Variants in MCMDC2 observed in about 807,000 individuals in gnomAD.
MCMDC2 encodes the protein minichromosome maintenance domain containing 2.
A neutral mutation model predicts 75.8 loss-of-function variants in MCMDC2; 54 were observed. The ratio of observed to expected loss-of-function variants is 0.71; its 90% CI spans 0.57 to 0.89. The LOEUF (loss-of-function observed/expected upper bound fraction) is 0.89. Ranked by LOEUF, MCMDC2 falls within the 40% of genes least tolerant of loss-of-function variation. The probability of loss-of-function intolerance (pLI) is 0.00; values close to 1 mark genes in which losing one functional copy is unlikely to be tolerated. For synonymous variants in MCMDC2, 249 were observed against 274.6 expected (o/e 0.91, Z 0.92); for missense variants, 656 against 780.4 (o/e 0.84, Z 1.90).
Position 66,914,954 on chromosome 8 carries a change from G to A in MCMDC2, c.1880-4049G>A, listed in dbSNP as rs146269253. On this transcript the variant is annotated intron_variant, in intron 14 of 14. Coordinates refer to ENST00000422365, the MANE Select transcript of MCMDC2 (RefSeq NM_173518.5). ...ATGTTTCTGCCTTGAGTAGCTGGGT[G>A]GATAATCATGCCATTTATCAAGATT... is the stretch of plus-strand genomic sequence containing the variant. Among the ~76,000 whole-genome samples, 224 of 152,228 alleles carry A rather than the reference G, an allele frequency of 1.5e-3. 1 individual carries two copies. Among genetic ancestry groups the A allele is most frequent in the African/African-American group, 5.2e-3 (218 of 41,528 alleles).
chr8:66,892,419 G>A (rs796992931), intron 10 of MCMDC2, among the ~76,000 whole-genome samples: 7 of 152,152 alleles, frequency 4.6e-5, no homozygotes, highest in African/African-American at 7.2e-5. Context: ...CTTGTTCCAC[G>A]TCCAGGAAGA....
intron 13 of MCMDC2, 146 bp downstream of exon 13, chr8:66,901,494 A>G: frequency 1.4e-6 from 2 of 1,381,660 alleles, no homozygotes; most frequent in Non-Finnish European, 1.9e-6. Context: ...AAAGGACTAA[A>G]GGCTTCACAA....
rs754666318 is a variant in MCMDC2 at position 66,901,344 on chromosome 8, T to C, written c.1765T>C (p.Tyr589His). 9 of 1,602,578 alleles carry C rather than the reference T, an allele frequency of 5.6e-6. No individual in the cohort carries two copies. The highest frequency in any genetic ancestry group is 7.6e-6 in the Non-Finnish European group (9 of 1,176,524). Reference protein sequence around the residue: ...GSKLSASALKYLVFLSEAHAR... With the variant: ...GSKLSASALKHLVFLSEAHAR... ...AAAGCTGTCAGCATCTGCATTAAAA[T>C]ATCTGTAGGTATTCAATTCAAGATT... The change falls in exon 13 of 15, where the codon TAT becomes CAT. Residue 589 changes from tyrosine (Y) to histidine (H), a missense_variant. Coordinates refer to ENST00000422365, the MANE Select transcript of MCMDC2 (RefSeq NM_173518.5).
At chr8:66,872,679 C>T (rs781281476) in intron 1 of MCMDC2, among the ~76,000 whole-genome samples, 15 of 152,042 alleles carry the variant, frequency 9.9e-5, no homozygotes, top group East Asian at 5.8e-4. Context: ...GTAATGAGGC[C>T]GGGTGCGGTG....
chr8:66,904,700 C>T (rs897748868), intron 13 of MCMDC2, among the ~76,000 whole-genome samples: 13 of 152,034 alleles, frequency 8.6e-5, no homozygotes, highest in Admixed American at 3.9e-4. Flanking sequence ...AATAAAGGAA[C>T]GGATTGCCTC....
intron 13 of MCMDC2, 85 bp downstream of exon 13, chr8:66,901,433 T>C: frequency 6.6e-7 from 1 of 1,515,400 alleles, no homozygotes; most frequent in Non-Finnish European, 8.8e-7. Flanking sequence ...CTATTTCACT[T>C]GTTTCTCTGC....
Position 66,921,636 on chromosome 8 carries a change from T to A in MCMDC2, c.*2467T>A, listed in dbSNP as rs1813537252. 6.6e-6 allele frequency: 1 copy of A among 152,212 alleles called. No individual in the cohort carries two copies. The highest frequency in any genetic ancestry group is 2.1e-4 in the South Asian group (1 of 4,834). The allele number at this position is 152,212 out of a possible 1,614,324, so 9.4% of individuals were successfully genotyped here. A position where few individuals can be genotyped will look rare whatever the true frequency, so the allele number is the denominator to read the frequency against. ...TTACATGTACTAGTATTAGGATGAC[T>A]TTTTTGTTCACAAAGATGAAAGCAA... On this transcript the variant is annotated 3_prime_UTR_variant, in exon 15 of 15. Coordinates refer to ENST00000422365, the MANE Select transcript of MCMDC2 (RefSeq NM_173518.5).
chr8:66,915,637 C>G (rs1021568123), intron 14 of MCMDC2, among the ~76,000 whole-genome samples: 51 of 150,056 alleles, frequency 3.4e-4, no homozygotes, highest in African/African-American at 1.2e-3. Context: ...AGGAGATATC[C>G]TACGGATATA....
At chr8:66,917,912 G>A (rs547716774) in intron 14 of MCMDC2, among the ~76,000 whole-genome samples, 4 of 152,112 alleles carry the variant, frequency 2.6e-5, no homozygotes, top group Admixed American at 2.6e-4. Flanking sequence ...AGTTCTTTTG[G>A]GTATATACCC....
In MCMDC2 at chr8:66,905,227, GT is replaced by G; in HGVS notation, c.1775del (p.Phe592SerfsTer9). 2 of 1,418,438 alleles carry G rather than the reference GT, an allele frequency of 1.4e-6. No individual in the cohort carries two copies. The highest frequency in any genetic ancestry group is 1.8e-6 in the Non-Finnish European group (2 of 1,083,656). The allele number at this position is 1,418,438 out of a possible 1,614,324, so 87.9% of individuals were successfully genotyped here. ...KLSASALKYL[V>X]FLSEAHARLN... ...TTTGGCAACTATTTTCTTTTTTAGC[GT>G]TTTCCTATCTGAAGCCCATGCACGA... On this transcript the variant is annotated frameshift_variant and splice_region_variant, in exon 14 of 15. Coordinates refer to ENST00000422365, the MANE Select transcript of MCMDC2 (RefSeq NM_173518.5). LOFTEE classifies it high-confidence loss of function.
rs779642656 is a variant in MCMDC2, at chr8:66,877,494, C to G, written c.431C>G (p.Thr144Arg). 6.2e-7 allele frequency: 1 copy of G among 1,610,012 alleles called. No homozygotes were observed. The change falls in exon 5 of 15, where the codon ACA (threonine) becomes AGA (arginine). Residue 144 changes from threonine (T) to arginine (R), a missense_variant. Thr to Arg is a moderately conservative substitution (Grantham distance 71). Coordinates refer to ENST00000422365, the MANE Select transcript of MCMDC2 (RefSeq NM_173518.5). ...VIAMTTITKY[T>R]QGARFLCSDE... ...GCAATGACAACTATAACCAAGTATA[C>G]ACAAGGGGCAAGATTTCTTTGTTCA...
chr8:66,915,528 T>A (rs1399252216), intron 14 of MCMDC2, among the ~76,000 whole-genome samples: 1 of 147,760 alleles, frequency 6.8e-6, no homozygotes, highest in African/African-American at 2.4e-5. Context: ...ATATTTATAT[T>A]TACATATATT....
At chr8:66,911,038 T>A (rs1234381201) in intron 14 of MCMDC2, among the ~76,000 whole-genome samples, 1 of 152,214 alleles carries the variant, frequency 6.6e-6, no homozygotes, top group Non-Finnish European at 1.5e-5. Flanking sequence ...GGGTTAATGC[T>A]AGAATGAATT....
chr8:66,874,975 C>T (rs767480872), intron 4 of MCMDC2, among the ~76,000 whole-genome samples: 100 of 152,158 alleles, frequency 6.6e-4, no homozygotes, highest in Non-Finnish European at 1.3e-3. Flanking sequence ...AGGCTGATCT[C>T]GAACTCCTGA....
chr8:66,922,761 T>C (rs893970956), downstream of MCMDC2: 11 of 274,506 alleles, frequency 4.0e-5, no homozygotes, highest in Non-Finnish European at 8.0e-5. Flanking sequence ...ATTCCCATTT[T>C]TATTTGCATT....
intron 5 of MCMDC2, 76 bp from the exon 6 acceptor site, chr8:66,878,498 A>G: frequency 7.1e-7 from 1 of 1,402,088 alleles, no homozygotes; most frequent in Admixed American, 2.5e-5. Context: ...AAAAATTAAA[A>G]AATGACAACA....
downstream of MCMDC2, chr8:66,925,451 C>T (rs75771493): frequency 8.2e-3 from 1,254 of 153,010 alleles, 14 homozygotes; most frequent in African/African-American, 0.028. Context: ...CAGAGCCCAG[C>T]TACGGGCCCG....
At chr8:66,911,178 G>A (rs573985898) in intron 14 of MCMDC2, among the ~76,000 whole-genome samples, 21 of 152,300 alleles carry the variant, frequency 1.4e-4, no homozygotes, top group Non-Finnish European at 2.9e-4. Context: ...ATCTTGAATT[G>A]TAATCCCCAT....
chr8:66,908,372 T>C (rs1472837079), intron 14 of MCMDC2, among the ~76,000 whole-genome samples: 1 of 152,080 alleles, frequency 6.6e-6, no homozygotes, highest in Non-Finnish European at 1.5e-5. Flanking sequence ...TTGAAGATTA[T>C]CAATTTGCTT....
Sources: gnomAD v4.1 joint callset for allele counts (sites outside exome capture counted in the v4.1 genomes callset) on GRCh38, gnomAD v4.1.1 for gene constraint, MANE v1.5 for transcripts, NCBI Gene and HGNC (gene_info 2026-07-23, HGNC 2026-07-21) for gene names.